ADGRL2: variants seen among roughly 807,000 people sequenced by gnomAD.
ADGRL2 encodes calcium-independent alpha-latrotoxin receptor 2.
Under a neutral mutation model 157.4 loss-of-function variants are expected in ADGRL2, and 44 were observed. The observed-to-expected ratio is 0.28, with a 90% confidence interval of 0.22 to 0.36. ADGRL2 has a LOEUF of 0.36. Among genes scored for constraint, ADGRL2 ranks in the 10% least tolerant of loss-of-function variants. The pLI, the probability that ADGRL2 is intolerant of heterozygous loss-of-function variation, is 1.00. For synonymous variants in ADGRL2, 585 were observed against 624.7 expected, an observed-to-expected ratio of 0.94 and a Z score of 0.95; for missense variants, 1,510 against 1,768.9, an observed-to-expected ratio of 0.85 and a Z score of 2.63.
At position 81,955,911 on chromosome 1, in the gene ADGRL2, C is replaced by A; in HGVS notation, c.1868C>A (p.Pro623His). ...GACACAGTGGACAACCTTCTGAGAC[C>A]CGAAGCTTTGGAATCATGGAAACAT... ...IVDTVDNLLR[P>H]EALESWKHMN... is the part of the protein sequence containing the mutation. Residue 623 changes from proline (P) to histidine (H), a missense_variant, in exon 11 of 24, where the codon CCC becomes CAC. Pro to His is a moderately conservative substitution (Grantham distance 77). Transcript: ENST00000686636. 2 of 1,602,676 alleles carry A rather than the reference C, an allele frequency of 1.2e-6. No individual in the cohort carries two copies. The highest frequency in any genetic ancestry group is 1.7e-6 in the Non-Finnish European group (2 of 1,174,972).
chr1:81,322,430 A>G (rs11163249), intron 1 of ADGRL2, among the ~76,000 whole-genome samples: 67,411 of 151,652 alleles, frequency 0.44, 15,377 homozygotes, highest in Middle Eastern at 0.55. Flanking sequence ...TCAGTTAAAA[A>G]CATGAAATAT....
chr1:81,761,380 G>T (rs1231777243), intron 1 of ADGRL2, among the ~76,000 whole-genome samples: 2 of 151,688 alleles, frequency 1.3e-5, no homozygotes, highest in Non-Finnish European at 3.0e-5. Context: ...TCCAAATTAG[G>T]TTTATTATAC....
At chr1:81,454,167 C>CTT (rs1177564379) in intron 2 of ADGRL2, among the ~76,000 whole-genome samples, 2 of 145,768 alleles carry the variant, frequency 1.4e-5, no homozygotes, top group African/African-American at 2.5e-5. Flanking sequence ...AATCCTCACT[C>CTT]TTTTTTTTTT....
intron 2 of ADGRL2, among the ~76,000 whole-genome samples, chr1:81,786,367 C>T (rs746326593): frequency 1.2e-4 from 18 of 152,106 alleles, no homozygotes; most frequent in Non-Finnish European, 2.4e-4. Flanking sequence ...CACTTGAGGC[C>T]GGGAATTTGA....
intron 1 of ADGRL2, among the ~76,000 whole-genome samples, chr1:81,392,465 C>A (rs919130068): frequency 6.6e-6 from 1 of 151,964 alleles, no homozygotes; most frequent in East Asian, 1.9e-4. Context: ...CTAATGCTAA[C>A]AAAGGAGCCA....
chr1:81,600,685 T>A (rs1228800617), intron 3 of ADGRL2, among the ~76,000 whole-genome samples: 1 of 152,214 alleles, frequency 6.6e-6, no homozygotes, highest in Non-Finnish European at 1.5e-5. Flanking sequence ...AGTGGTAGAA[T>A]GAGAGATAAA....
intron 1 of ADGRL2, among the ~76,000 whole-genome samples, chr1:81,320,292 T>G (rs1660413399): frequency 6.6e-6 from 1 of 152,196 alleles, no homozygotes; most frequent in Non-Finnish European, 1.5e-5. Context: ...CTTGAACCCC[T>G]CAAAGTCATC....
intron 1 of ADGRL2, among the ~76,000 whole-genome samples, chr1:81,803,433 T>C (rs1050573059): frequency 1.3e-5 from 2 of 152,084 alleles, no homozygotes; most frequent in African/African-American, 2.4e-5. Context: ...GAGGCTTTTT[T>C]TCCCCCCCTC....
At chr1:81,532,039 G>A (rs529081076) in intron 2 of ADGRL2, among the ~76,000 whole-genome samples, 9 of 152,084 alleles carry the variant, frequency 5.9e-5, no homozygotes, top group South Asian at 2.1e-4. Flanking sequence ...AACTAAATTC[G>A]AATTTTAGTC....
intron 3 of ADGRL2, among the ~76,000 whole-genome samples, chr1:81,647,479 G>T (rs1205277865): frequency 6.6e-6 from 1 of 152,106 alleles, no homozygotes; most frequent in Non-Finnish European, 1.5e-5. Flanking sequence ...AAACGTAGTG[G>T]CACAGCAGTT....
At chr1:81,751,283 T>C (rs1472561071) in intron 1 of ADGRL2, among the ~76,000 whole-genome samples, 2 of 152,268 alleles carry the variant, frequency 1.3e-5, no homozygotes, top group East Asian at 3.9e-4. Context: ...CCCTGCAATA[T>C]ACTTATGAAA....
At chr1:81,743,802 C>T (rs562924134) in intron 1 of ADGRL2, among the ~76,000 whole-genome samples, 10 of 152,160 alleles carry the variant, frequency 6.6e-5, no homozygotes, top group African/African-American at 2.4e-4. Context: ...TTCTATGTGC[C>T]TCTAGTTCAC....
chr1:81,440,784 T>C lies in ADGRL2; in HGVS notation c.-301-4252T>C, dbSNP rs369440583. On this transcript the variant is annotated intron_variant, in intron 1 of 24. Transcript: ENST00000370721. Reference sequence around the variant, plus strand: ...CAAGTTTCTAATTTATCTATGTCTCTTCCTTTTCCCTTACTGCACGTCTCA... The same window carrying C: ...CAAGTTTCTAATTTATCTATGTCTCCTCCTTTTCCCTTACTGCACGTCTCA... 3.1e-4 allele frequency among the ~76,000 whole-genome samples: 47 copies of C among 152,348 alleles called. 1 individual carries two copies. In the Middle Eastern group the frequency reaches 0.02, roughly 66 times the overall value.
intron 1 of ADGRL2, among the ~76,000 whole-genome samples, chr1:81,758,412 C>T (rs1292533767): frequency 1.3e-5 from 2 of 152,222 alleles, no homozygotes; most frequent in East Asian, 1.9e-4. Flanking sequence ...TGAATGAATG[C>T]CAATTAGGGC....
At chr1:81,605,270 G>C (rs2081410539) in intron 3 of ADGRL2, among the ~76,000 whole-genome samples, 2 of 152,146 alleles carry the variant, frequency 1.3e-5, no homozygotes, top group Non-Finnish European at 2.9e-5. Flanking sequence ...AAATGTGCTT[G>C]GTGTTTGTCA....
At chr1:81,528,173 A>G (rs1051249718) in intron 2 of ADGRL2, among the ~76,000 whole-genome samples, 1 of 152,236 alleles carries the variant, frequency 6.6e-6, no homozygotes, top group South Asian at 2.1e-4. Context: ...CCCGACCTCC[A>G]GAACTGTGAG....
intron 2 of ADGRL2, among the ~76,000 whole-genome samples, chr1:81,867,551 T>G (rs2150932969): frequency 6.6e-6 from 1 of 152,314 alleles, no homozygotes; most frequent in East Asian, 1.9e-4. Context: ...TTGAAAATAT[T>G]TAGTTAAATT....
intron 1 of ADGRL2, among the ~76,000 whole-genome samples, chr1:81,758,725 C>T (rs1174789797): frequency 6.6e-6 from 1 of 152,136 alleles, no homozygotes; most frequent in Non-Finnish European, 1.5e-5. Context: ...ATGGAATATG[C>T]CTACACAAAG....
chr1:81,700,444 A>C (rs2083540579), intron 1 of ADGRL2, among the ~76,000 whole-genome samples: 1 of 152,220 alleles, frequency 6.6e-6, no homozygotes, highest in Non-Finnish European at 1.5e-5. Flanking sequence ...CCTGATTTTG[A>C]ATTATAAGAT....
Sources: allele counts gnomAD v4.1 joint callset (sites outside exome capture counted in the v4.1 genomes callset), GRCh38; gene constraint gnomAD v4.1.1; transcripts MANE v1.5; gene names NCBI Gene and HGNC (gene_info 2026-07-23, HGNC 2026-07-21).